ARHGAP25: variants seen among roughly 807,000 people sequenced by gnomAD.
ARHGAP25 encodes the protein Rho GTPase activating protein 25, also known as rho GTPase-activating protein 25.
ARHGAP25 carries 34 observed loss-of-function variants against 71.0 expected under a neutral mutation model. That is an observed-to-expected ratio of 0.48 (90% confidence interval 0.36 to 0.64). ARHGAP25 has a LOEUF of 0.64. Among genes scored for constraint, ARHGAP25 ranks in the 30% least tolerant of loss-of-function variants. The probability of loss-of-function intolerance (pLI) is 0.00; values close to 1 mark genes in which losing one functional copy is unlikely to be tolerated. For synonymous variants in ARHGAP25, 282 were observed against 296.5 expected, an observed-to-expected ratio of 0.95 and a Z score of 0.50; for missense variants, 706 against 805.1, an observed-to-expected ratio of 0.88 and a Z score of 1.49.
intron 1 of ARHGAP25, 193 bp from the exon 2 acceptor site, chr2:68,775,028 G>T: frequency 6.7e-7 from 1 of 1,500,264 alleles, no homozygotes; most frequent in East Asian, 2.3e-5. Context: ...GGCCCTGACC[G>T]GGAGCTGGCC....
chr2:68,749,449 C>G (rs978677981), intron 1 of ARHGAP25, among the ~76,000 whole-genome samples: 1 of 152,220 alleles, frequency 6.6e-6, no homozygotes, highest in Non-Finnish European at 1.5e-5. Context: ...TCATCCACTT[C>G]TCTTACCTCC....
At chr2:68,739,698 A>G (rs1675417432) in intron 1 of ARHGAP25, among the ~76,000 whole-genome samples, 1 of 152,184 alleles carries the variant, frequency 6.6e-6, no homozygotes, top group African/African-American at 2.4e-5. Flanking sequence ...ATAGTACCGG[A>G]AGAGCATGAC....
upstream of ARHGAP25, among the ~76,000 whole-genome samples, chr2:68,732,812 T>G (rs1675057590): frequency 6.6e-6 from 1 of 152,190 alleles, no homozygotes. Context: ...AAGGTTCTTC[T>G]CTCTTGTGCT....
chr2:68,793,316 T>C (rs1679322631), intron 4 of ARHGAP25, among the ~76,000 whole-genome samples: 1 of 152,204 alleles, frequency 6.6e-6, no homozygotes, highest in Admixed American at 6.5e-5. Context: ...CGGCCTGTGC[T>C]TTTGAGGCCT....
chr2:68,727,731 G>C (rs762330621), intron 2 of ARHGAP25, among the ~76,000 whole-genome samples: 22 of 152,230 alleles, frequency 1.4e-4, no homozygotes, highest in Admixed American at 3.9e-4. Context: ...GAATAGGATT[G>C]CTCCATTCCC....
chr2:68,740,419 CCT>C (rs1231787108), intron 1 of ARHGAP25, among the ~76,000 whole-genome samples: 2 of 152,194 alleles, frequency 1.3e-5, no homozygotes, highest in Admixed American at 1.3e-4. Flanking sequence ...TACCTGCCCA[CCT>C]CTCTCTTGCC....
chr2:68,790,033 G>T lies in ARHGAP25; in HGVS notation c.466+2077G>T, dbSNP rs576267475. On this transcript the variant is annotated intron_variant, in intron 4 of 10. Transcript: ENST00000409202. ...AGATGGAGTCTCACTCTGTCTCCCA[G>T]ACTGGAGTGCACTGGCATGATCTCG... Among the ~76,000 whole-genome samples, 5 of 152,288 alleles carry T rather than the reference G, an allele frequency of 3.3e-5. No homozygotes were observed. The South Asian group carries it at 1.0e-3, about 32-fold the overall frequency.
chr2:68,806,011 C>T (rs945033029), intron 4 of ARHGAP25, among the ~76,000 whole-genome samples: 4 of 152,252 alleles, frequency 2.6e-5, no homozygotes, highest in South Asian at 2.1e-4. Context: ...ACTGCCGGTG[C>T]GGGGAAACTG....
intron 1 of ARHGAP25, among the ~76,000 whole-genome samples, chr2:68,747,552 A>G (rs1675914765): frequency 6.6e-6 from 1 of 152,092 alleles, no homozygotes; most frequent in African/African-American, 2.4e-5. Context: ...AGCCCTTTCC[A>G]TGGCTTTAAG....
intron 2 of ARHGAP25, 94 bp from the exon 3 acceptor site, chr2:68,782,139 C>T (rs1558633676): frequency 8.0e-6 from 9 of 1,131,940 alleles, no homozygotes; most frequent in Non-Finnish European, 1.2e-5. Context: ...CTACTCTCCT[C>T]CCCATCCCAT....
chr2:68,771,462 C>A (rs563106335), intron 1 of ARHGAP25, among the ~76,000 whole-genome samples: 103 of 152,238 alleles, frequency 6.8e-4, no homozygotes, highest in African/African-American at 2.3e-3. Context: ...TTACTTTATC[C>A]GGAACAAGTC....
intron 6 of ARHGAP25, among the ~76,000 whole-genome samples, chr2:68,814,163 C>T (rs1041218353): frequency 3.9e-5 from 6 of 152,156 alleles, no homozygotes; most frequent in Non-Finnish European, 8.8e-5. Flanking sequence ...ATGTTAAAAG[C>T]CCTCTCTGGC....
At chr2:68,729,937 C>T (rs1204691091), upstream of ARHGAP25, among the ~76,000 whole-genome samples, 1 of 152,210 alleles carries the variant, frequency 6.6e-6, no homozygotes. Context: ...AGATATTTAG[C>T]TATAAGAATA....
intron 2 of ARHGAP25, among the ~76,000 whole-genome samples, chr2:68,726,716 A>G (rs919306035): frequency 1.3e-5 from 2 of 152,180 alleles, no homozygotes; most frequent in Non-Finnish European, 2.9e-5. Context: ...GGCAAAGGTG[A>G]CATCAGTAAC....
At chr2:68,813,560 T>C in intron 6 of ARHGAP25, 141 bp downstream of exon 6, 1 of 900,974 alleles carries the variant, frequency 1.1e-6, no homozygotes, top group South Asian at 1.9e-5. Context: ...CAACAAAAGG[T>C]ATATGAACTC....
intron 9 of ARHGAP25, 108 bp from the exon 10 acceptor site, chr2:68,822,231 AG>A (rs1196880508): frequency 9.5e-7 from 1 of 1,047,552 alleles, no homozygotes; most frequent in African/African-American, 1.6e-5. Flanking sequence ...AGAATTTCAT[AG>A]GTATGCTACC....
chr2:68,774,473 T>C (rs1677692585), intron 1 of ARHGAP25, among the ~76,000 whole-genome samples: 1 of 152,222 alleles, frequency 6.6e-6, no homozygotes, highest in East Asian at 1.9e-4. Flanking sequence ...ATCCTGCTTC[T>C]GAGTTCTATT....
chr2:68,795,071 T>C (rs1390128752), intron 4 of ARHGAP25, among the ~76,000 whole-genome samples: 1 of 152,172 alleles, frequency 6.6e-6, no homozygotes, highest in African/African-American at 2.4e-5. Context: ...TAGTTGTTAA[T>C]AATAATCTCT....
intron 1 of ARHGAP25, among the ~76,000 whole-genome samples, chr2:68,741,579 T>G (rs1376217581): frequency 6.6e-6 from 1 of 152,156 alleles, no homozygotes. Context: ...TGTTATTATT[T>G]AAAAATATAG....
Sources: allele counts gnomAD v4.1 joint callset (sites outside exome capture counted in the v4.1 genomes callset), GRCh38; gene constraint gnomAD v4.1.1; transcripts MANE v1.5; gene names NCBI Gene and HGNC (gene_info 2026-07-23, HGNC 2026-07-21).